Variants in NCAM1 observed in about 807,000 individuals in gnomAD.
NCAM1 encodes antigen recognized by monoclonal antibody 5.1H11.
NCAM1 carries 14 observed loss-of-function variants against 109.8 expected under a neutral mutation model. The ratio of observed to expected loss-of-function variants is 0.13; its 90% CI spans 0.08 to 0.20. The LOEUF is 0.20. Ranked by LOEUF, NCAM1 falls within the 10% of genes least tolerant of loss-of-function variation. The pLI, the probability that NCAM1 is intolerant of heterozygous loss-of-function variation, is 1.00. For synonymous variants in NCAM1, 418 were observed against 442.9 expected, an observed-to-expected ratio of 0.94 and a Z score of 0.70; for missense variants, 774 against 1,109.9, an observed-to-expected ratio of 0.70 and a Z score of 4.30.
At chr11:113,085,008 C>G (rs76505332) in intron 1 of NCAM1, among the ~76,000 whole-genome samples, 465 of 152,272 alleles carry the variant, frequency 3.1e-3, no homozygotes, top group African/African-American at 0.011. Flanking sequence ...ATAACTTGAA[C>G]CAAATAGGTA....
At chr11:113,206,222 C>G in intron 5 of NCAM1, 42 bp downstream of exon 5, 1 of 1,543,004 alleles carries the variant, frequency 6.5e-7, no homozygotes, top group Non-Finnish European at 8.7e-7. Context: ...ATTGCTACAA[C>G]CTTGGTTCTC....
In NCAM1 at chr11:112,966,860, A is replaced by T. The variant is rs577549589; in HGVS notation, c.52+5196A>T. On this transcript the variant is annotated intron_variant, in intron 1 of 19. Coordinates refer to ENST00000316851, the MANE Select transcript of NCAM1 (RefSeq NM_181351.5). ...AGTTAACGGATTTTCAGTTGGGTAG[A>T]CACACTTTTCCTTTCCTGCAGTATT... Among the ~76,000 whole-genome samples the T allele has an allele frequency of 9.8e-5, 15 of 152,342 alleles. No individual in the cohort carries two copies. In the East Asian group the frequency reaches 2.9e-3, roughly 29 times the overall value.
chr11:113,235,321 C>G, intron 14 of NCAM1, 157 bp downstream of exon 14: 1 of 1,459,290 alleles, frequency 6.9e-7, no homozygotes, highest in Non-Finnish European at 9.5e-7. Context: ...TTCTCTGGTT[C>G]TCAGTGACAG....
At chr11:113,046,218 G>T (rs1416323069) in intron 1 of NCAM1, among the ~76,000 whole-genome samples, 2 of 152,180 alleles carry the variant, frequency 1.3e-5, no homozygotes, top group Non-Finnish European at 2.9e-5. Flanking sequence ...CCTGGATCCA[G>T]TCTCAGAAGT....
intron 1 of NCAM1, among the ~76,000 whole-genome samples, chr11:113,190,830 C>A (rs1943654671): frequency 6.6e-6 from 1 of 152,104 alleles, no homozygotes; most frequent in Admixed American, 6.5e-5. Flanking sequence ...GACTCTCCAT[C>A]CAGTAGAAGA....
chr11:113,009,529 C>T (rs1555074002), intron 1 of NCAM1, among the ~76,000 whole-genome samples: 1 of 151,490 alleles, frequency 6.6e-6, no homozygotes, highest in East Asian at 1.9e-4. Flanking sequence ...CACCCTGTTG[C>T]CCAGGTTGGT....
chr11:113,026,952 GCAGTGTC>G (rs1264297817), intron 1 of NCAM1, among the ~76,000 whole-genome samples: 15 of 152,152 alleles, frequency 9.9e-5, no homozygotes, highest in African/African-American at 3.6e-4. Flanking sequence ...CACCCACACT[GCAGTGTC>G]CCTTGCAGGC....
chr11:113,201,537 A>G (rs1273600641), intron 1 of NCAM1, among the ~76,000 whole-genome samples: 1 of 152,246 alleles, frequency 6.6e-6, no homozygotes, highest in Non-Finnish European at 1.5e-5. Context: ...CTCTATTTTC[A>G]TGAGGAATGG....
At chr11:113,056,694 C>A (rs1159321184) in intron 1 of NCAM1, among the ~76,000 whole-genome samples, 1 of 152,120 alleles carries the variant, frequency 6.6e-6, no homozygotes, top group Non-Finnish European at 1.5e-5. Context: ...GAAAGCCAAC[C>A]CTTCCCTAGA....
At chr11:112,999,189 T>C (rs1951679203) in intron 1 of NCAM1, among the ~76,000 whole-genome samples, 1 of 152,222 alleles carries the variant, frequency 6.6e-6, no homozygotes, top group Admixed American at 6.5e-5. Flanking sequence ...GTAATACTGA[T>C]TATGTATGTT....
intron 1 of NCAM1, among the ~76,000 whole-genome samples, chr11:113,002,312 A>G (rs1161642976): frequency 2.0e-5 from 3 of 152,248 alleles, no homozygotes; most frequent in African/African-American, 7.2e-5. Flanking sequence ...GGGAAACTTC[A>G]GAGAGTACAC....
At chr11:113,146,333 T>A (rs972842917) in intron 1 of NCAM1, among the ~76,000 whole-genome samples, 1 of 152,212 alleles carries the variant, frequency 6.6e-6, no homozygotes, top group South Asian at 2.1e-4. Flanking sequence ...AAAATGAACA[T>A]AAATTTTAAG....
chr11:113,063,370 G>T (rs1420257164), intron 1 of NCAM1, among the ~76,000 whole-genome samples: 2 of 152,182 alleles, frequency 1.3e-5, no homozygotes, highest in South Asian at 2.1e-4. Context: ...CTCTGCCACT[G>T]CCTAGCCTGG....
intron 1 of NCAM1, among the ~76,000 whole-genome samples, chr11:113,200,737 A>G (rs1225735013): frequency 1.3e-5 from 2 of 152,106 alleles, no homozygotes; most frequent in African/African-American, 2.4e-5. Flanking sequence ...AGGAGAAAGC[A>G]CCCACAGATA....
At chr11:113,206,499 A>G (rs1018079420) in intron 5 of NCAM1, among the ~76,000 whole-genome samples, 1 of 152,098 alleles carries the variant, frequency 6.6e-6, no homozygotes, top group African/African-American at 2.4e-5. Flanking sequence ...CATAATTGTG[A>G]AGTTATTCCG....
chr11:113,177,757 G>A (rs1394182818), intron 1 of NCAM1, among the ~76,000 whole-genome samples: 5 of 152,138 alleles, frequency 3.3e-5, no homozygotes, highest in African/African-American at 1.2e-4. Flanking sequence ...CTTTCCTACA[G>A]TTTGTAGCCC....
At chr11:112,981,929 A>G (rs1363302642) in intron 1 of NCAM1, among the ~76,000 whole-genome samples, 1 of 151,906 alleles carries the variant, frequency 6.6e-6, no homozygotes, top group African/African-American at 2.4e-5. Context: ...TTTTTTTAGA[A>G]TGAGTTCAGT....
intron 1 of NCAM1, among the ~76,000 whole-genome samples, chr11:113,175,117 T>C (rs540950798): frequency 5.3e-4 from 80 of 152,358 alleles, no homozygotes; most frequent in African/African-American, 1.6e-3. Flanking sequence ...CTGAAGCCTT[T>C]GAATACTAAC....
chr11:113,177,098 T>A lies in NCAM1; in HGVS notation c.53-25281T>A, dbSNP rs74976237. Among the ~76,000 whole-genome samples the A allele has an allele frequency of 7.4e-3, 1,130 of 152,336 alleles. 7 individuals carry two copies. The highest frequency in any genetic ancestry group is 0.025 in the African/African-American group (1,039 of 41,576). ...GGGTCATTGGCAAGATCACAAAATGTTATCTCAGGCATATCCTGGGATGTG... is the reference window on the plus strand; with the variant it reads ...GGGTCATTGGCAAGATCACAAAATGATATCTCAGGCATATCCTGGGATGTG... On this transcript the variant is annotated intron_variant, in intron 1 of 19. Transcript: ENST00000316851.
Sources: gnomAD v4.1 joint callset for allele counts (sites outside exome capture counted in the v4.1 genomes callset) on GRCh38, gnomAD v4.1.1 for gene constraint, MANE v1.5 for transcripts, NCBI Gene and HGNC (gene_info 2026-07-23, HGNC 2026-07-21) for gene names.